Variants in GABRG3 observed in about 807,000 individuals in gnomAD.
GABRG3 encodes the protein gamma-aminobutyric acid receptor subunit gamma-3.
A neutral mutation model predicts 48.8 loss-of-function variants in GABRG3; 25 were observed. The observed-to-expected ratio is 0.51, with a 90% CI of 0.37 to 0.72. GABRG3 has a LOEUF of 0.72. GABRG3 is among the 30% of genes least tolerant of loss of function. The pLI, the probability that GABRG3 is intolerant of heterozygous loss-of-function variation, is 0.00. For synonymous variants in GABRG3, 227 were observed against 217.6 expected (o/e 1.04, Z -0.38); for missense variants, 394 against 577.9 (o/e 0.68, Z 3.26).
rs1404838021 is a variant in GABRG3, at chr15:27,534,440, TCTC to T, written c.*1563_*1565del. ...AACTGCAGAAGACTGTTTTGAAACT[TCTC>T]CTCACCAATAGGCAAAACACAAGTC... is the stretch of plus-strand genomic sequence containing the variant. On this transcript the variant is annotated 3_prime_UTR_variant, in exon 10 of 10. Coordinates refer to ENST00000615808, the MANE Select transcript of GABRG3 (RefSeq NM_033223.5). The T allele has an allele frequency of 6.6e-6, 1 of 152,192 alleles. No individual in the cohort carries two copies. Among genetic ancestry groups the T allele is most frequent in the Non-Finnish European group, 1.5e-5 (1 of 68,040 alleles). 9.4% of individuals were successfully genotyped at this position (152,192 alleles called of 1,614,324 possible). A position where few individuals can be genotyped will look rare whatever the true frequency, so the allele number is the denominator to read the frequency against.
intron 5 of GABRG3, among the ~76,000 whole-genome samples, chr15:27,451,735 A>G (rs542454954): frequency 1.8e-4 from 27 of 152,342 alleles, no homozygotes; most frequent in Admixed American, 1.4e-3. Context: ...AACAATCAAC[A>G]AAGTCAAAGA....
At chr15:27,027,486 G>A (rs1461090345) in intron 3 of GABRG3, among the ~76,000 whole-genome samples, 3 of 152,214 alleles carry the variant, frequency 2.0e-5, no homozygotes, top group African/African-American at 7.2e-5. Flanking sequence ...TCCTGATTTG[G>A]GGAGACGTGA....
intron 3 of GABRG3, among the ~76,000 whole-genome samples, chr15:27,251,403 G>C (rs974104053): frequency 2.0e-5 from 3 of 152,142 alleles, no homozygotes; most frequent in Non-Finnish European, 4.4e-5. Context: ...CTTCTGCTCA[G>C]AGACGCAAAG....
intron 2 of GABRG3, among the ~76,000 whole-genome samples, chr15:26,984,619 G>T (rs118105177): frequency 6.6e-6 from 1 of 152,112 alleles, no homozygotes; most frequent in Admixed American, 6.5e-5. Context: ...GTGATGTAGG[G>T]TGTCATTTTT....
intron 5 of GABRG3, among the ~76,000 whole-genome samples, chr15:27,419,343 C>A (rs1337147475): frequency 6.6e-6 from 1 of 152,086 alleles, no homozygotes; most frequent in Non-Finnish European, 1.5e-5. Flanking sequence ...ACCTTTGGTT[C>A]TTCTAACTTT....
At chr15:27,275,784 C>T (rs1891231590) in intron 3 of GABRG3, among the ~76,000 whole-genome samples, 1 of 152,160 alleles carries the variant, frequency 6.6e-6, no homozygotes, top group Non-Finnish European at 1.5e-5. Context: ...TTAAAATCAC[C>T]AAGAGAAATG....
At chr15:27,246,058 C>T (rs7171031) in intron 3 of GABRG3, among the ~76,000 whole-genome samples, 34,642 of 151,764 alleles carry the variant, frequency 0.23, 5,425 homozygotes, top group East Asian at 0.51. Context: ...CCAGCTGCCA[C>T]GTGGACTCAT....
chr15:26,999,812 TTTTA>T (rs1354952753), intron 2 of GABRG3, among the ~76,000 whole-genome samples: 1 of 152,098 alleles, frequency 6.6e-6, no homozygotes, highest in African/African-American at 2.4e-5. Flanking sequence ...AATATTTTTC[TTTTA>T]TTTAAGTTTT....
intron 3 of GABRG3, among the ~76,000 whole-genome samples, chr15:27,192,458 G>A (rs1371403772): frequency 5.3e-5 from 8 of 151,884 alleles, no homozygotes; most frequent in South Asian, 2.1e-4. Flanking sequence ...TTCCCTTCTC[G>A]CTTCATTTCA....
chr15:27,343,244 G>A lies in GABRG3; in HGVS notation c.574+14356G>A, dbSNP rs143351291. On this transcript the variant is annotated intron_variant, in intron 5 of 9. Transcript: ENST00000615808. ...TCTAGCAGGGCGAGACTGTCTTGGC[G>A]TGCAGAAGTCCCTGTGGCTGGCCCT... Among the ~76,000 whole-genome samples the A allele has an allele frequency of 5.8e-3, 885 of 152,248 alleles. 8 individuals are homozygous for A. Among genetic ancestry groups the A allele is most frequent in the African/African-American group, 0.02 (825 of 41,546 alleles).
intron 3 of GABRG3, among the ~76,000 whole-genome samples, chr15:27,251,111 G>A (rs1890442600): frequency 6.6e-6 from 1 of 152,180 alleles, no homozygotes; most frequent in Non-Finnish European, 1.5e-5. Context: ...CCGTGGACTA[G>A]TGACTGGGAA....
At chr15:27,081,539 G>C (rs973098948) in intron 3 of GABRG3, among the ~76,000 whole-genome samples, 3 of 150,954 alleles carry the variant, frequency 2.0e-5, no homozygotes, top group Non-Finnish European at 4.4e-5. Context: ...GGAGTTCTTG[G>C]CCACACAGCT....
At chr15:26,995,246 A>G (rs1268145471) in intron 2 of GABRG3, among the ~76,000 whole-genome samples, 2 of 151,956 alleles carry the variant, frequency 1.3e-5, no homozygotes, top group Admixed American at 1.3e-4. Flanking sequence ...GGTGTATTTT[A>G]TCTAATGTTA....
At chr15:27,202,097 C>T (rs1888702182) in intron 3 of GABRG3, among the ~76,000 whole-genome samples, 1 of 152,186 alleles carries the variant, frequency 6.6e-6, no homozygotes, top group Non-Finnish European at 1.5e-5. Flanking sequence ...CTGCTTCTAT[C>T]TTCTAACTTT....
At chr15:27,501,599 T>C (rs1890642429) in intron 6 of GABRG3, among the ~76,000 whole-genome samples, 1 of 152,096 alleles carries the variant, frequency 6.6e-6, no homozygotes, top group African/African-American at 2.4e-5. Context: ...CACTCTTGAG[T>C]TGAATGGATT....
At chr15:27,291,254 T>C (rs1483849801) in intron 3 of GABRG3, among the ~76,000 whole-genome samples, 7 of 152,256 alleles carry the variant, frequency 4.6e-5, no homozygotes, top group African/African-American at 9.6e-5. Context: ...CTCATACTTA[T>C]GAAAGTAGAT....
chr15:27,097,006 A>ATTTTTTTTTT (rs36057231), intron 3 of GABRG3, among the ~76,000 whole-genome samples: 1 of 131,720 alleles, frequency 7.6e-6, no homozygotes, highest in Non-Finnish European at 1.6e-5. Context: ...ATACCCGGCT[A>ATTTTTTTTTT]TTTTTTTTTT....
At chr15:27,292,894 C>T (rs978833676) in intron 3 of GABRG3, among the ~76,000 whole-genome samples, 1 of 152,130 alleles carries the variant, frequency 6.6e-6, no homozygotes, top group African/African-American at 2.4e-5. Context: ...GGGAGATCTG[C>T]TGATCGTGGG....
At chr15:27,080,692 C>T (rs1021303629) in intron 3 of GABRG3, among the ~76,000 whole-genome samples, 1 of 152,180 alleles carries the variant, frequency 6.6e-6, no homozygotes, top group Non-Finnish European at 1.5e-5. Flanking sequence ...AGTGATAAGA[C>T]ACCGTAAGAG....
Sources: allele counts gnomAD v4.1 joint callset (sites outside exome capture counted in the v4.1 genomes callset), GRCh38; gene constraint gnomAD v4.1.1; transcripts MANE v1.5; gene names NCBI Gene and HGNC (gene_info 2026-07-23, HGNC 2026-07-21).